Variants in SERPINE2 observed in about 807,000 individuals in gnomAD.
SERPINE2 encodes glia-derived nexin.
In SERPINE2, 14 loss-of-function variants were observed where a neutral mutation model predicts 36.3. The observed-to-expected ratio is 0.39, with a 90% CI of 0.25 to 0.60. SERPINE2 has a LOEUF of 0.60. Among genes scored for constraint, SERPINE2 ranks in the 20% least tolerant of loss-of-function variants. The probability of loss-of-function intolerance (pLI) is 0.57; values close to 1 mark genes in which losing one functional copy is unlikely to be tolerated. For synonymous variants in SERPINE2, 192 were observed against 191.8 expected (o/e 1.00, Z -0.01); for missense variants, 418 against 499.6 (o/e 0.84, Z 1.56).
chr2:224,005,990 T>G (rs896544335), intron 1 of SERPINE2, among the ~76,000 whole-genome samples: 5 of 152,218 alleles, frequency 3.3e-5, no homozygotes, highest in Admixed American at 2.0e-4. Context: ...ATACGGGGAA[T>G]GTTTATGAAA....
chr2:224,000,060 C>G (rs1349156833), intron 2 of SERPINE2, among the ~76,000 whole-genome samples: 1 of 152,188 alleles, frequency 6.6e-6, no homozygotes, highest in African/African-American at 2.4e-5. Flanking sequence ...CCACGCTGAG[C>G]AGAGTCGGAG....
At chr2:224,020,871 T>C (rs2106191186) in intron 1 of SERPINE2, among the ~76,000 whole-genome samples, 1 of 152,342 alleles carries the variant, frequency 6.6e-6, no homozygotes, top group South Asian at 2.1e-4. Flanking sequence ...ACACATTTAA[T>C]TCAATATTGC....
intron 3 of SERPINE2, among the ~76,000 whole-genome samples, chr2:223,996,549 G>C (rs1466042281): frequency 6.6e-6 from 1 of 152,210 alleles, no homozygotes; most frequent in Non-Finnish European, 1.5e-5. Flanking sequence ...ATCTGGGTGT[G>C]TAAGAATGGT....
chr2:223,977,689 A>G lies in SERPINE2; in HGVS notation c.1073-62T>C, dbSNP rs1234570608. The G allele has an allele frequency of 3.4e-5, 38 of 1,102,558 alleles. No individual in the cohort carries two copies. In the South Asian group the frequency reaches 4.5e-4, roughly 13 times the overall value. The allele number at this position is 1,102,558 out of a possible 1,614,324, so 68.3% of individuals were successfully genotyped here. ...CATGAGACCATGTAAGCATAAGGCC[A>G]GCAAGTTAGCTAGCTTCATGGACCC... is the stretch of plus-strand genomic sequence containing the variant. On this transcript the variant is annotated intron_variant, in intron 7 of 8. Transcript: ENST00000409304.
chr2:224,002,967 A>G (rs1691244556), intron 1 of SERPINE2, among the ~76,000 whole-genome samples: 1 of 152,178 alleles, frequency 6.6e-6, no homozygotes, highest in Non-Finnish European at 1.5e-5. Context: ...TAAGCCAGCA[A>G]GCAATAAAGC....
intron 1 of SERPINE2, chr2:224,038,876 G>A: frequency 4.4e-6 from 1 of 227,810 alleles, no homozygotes; most frequent in East Asian, 9.0e-5. Context: ...GGCGGGACCG[G>A]GATGCCCGGC....
At chr2:224,002,938 C>G (rs377752452) in intron 1 of SERPINE2, among the ~76,000 whole-genome samples, 15 of 152,192 alleles carry the variant, frequency 9.9e-5, no homozygotes, top group South Asian at 4.1e-4. Flanking sequence ...AGCTTACAAT[C>G]TAGAAGGGAG....
In SERPINE2 at chr2:224,036,642, T is replaced by TAAA. The variant is rs59322455; in HGVS notation, c.-23+2454_-23+2456dup. Among the ~76,000 whole-genome samples the TAAA allele has an allele frequency of 2.8e-3, 396 of 142,720 alleles. 2 individuals carry two copies. The highest frequency in any genetic ancestry group is 9.1e-3 in the African/African-American group (351 of 38,680). The allele number at this position is 142,720 out of a possible 152,430, so 93.6% of individuals were successfully genotyped here. A position where few individuals can be genotyped will look rare whatever the true frequency, so the allele number is the denominator to read the frequency against. On this transcript the variant is annotated intron_variant, in intron 1 of 8. Transcript: ENST00000409304. Reference sequence around the variant, plus strand: ...GAGCTTAAAGCATATTAATAAAAATTAAAAAAAAAAAAAAAAGATTGCTTG... The same window carrying TAAA: ...GAGCTTAAAGCATATTAATAAAAATTAAAAAAAAAAAAAAAAAAAGATTGCTTG...
chr2:224,028,366 A>G (rs1176017978), intron 1 of SERPINE2, among the ~76,000 whole-genome samples: 1 of 152,142 alleles, frequency 6.6e-6, no homozygotes, highest in East Asian at 1.9e-4. Flanking sequence ...AGAGGGAAGT[A>G]TTTTGCCTAA....
chr2:223,991,937 A>G lies in SERPINE2; in HGVS notation c.551T>C (p.Val184Ala), dbSNP rs763798124. 21 of 1,613,462 alleles carry G rather than the reference A, an allele frequency of 1.3e-5. No individual in the cohort carries two copies. Among genetic ancestry groups the G allele is most frequent in the Admixed American group, 6.7e-5 (4 of 59,880 alleles). The change falls in exon 4 of 9, where the codon GTC becomes GCC. Residue 184 changes from valine to alanine, a missense_variant. Val to Ala is a moderately conservative substitution (Grantham distance 64, BLOSUM62 0). Coordinates refer to ENST00000409304, the MANE Select transcript of SERPINE2 (RefSeq NM_001136528.2). ...CAGACCCTTGAAATACACTGCGTTG[A>G]CGAGGACCAGTCTGGTGAGCACACC... ...IDGVLTRLVLVNAVYFKGLWK... is the reference protein window; with the variant it reads ...IDGVLTRLVLANAVYFKGLWK...
At chr2:224,029,775 T>C (rs1396121781) in intron 1 of SERPINE2, among the ~76,000 whole-genome samples, 1 of 152,254 alleles carries the variant, frequency 6.6e-6, no homozygotes, top group Non-Finnish European at 1.5e-5. Flanking sequence ...TTCTGCTTAC[T>C]GCAACTTCCG....
intron 1 of SERPINE2, among the ~76,000 whole-genome samples, chr2:224,026,451 A>G (rs1173547171): frequency 7.2e-5 from 11 of 152,176 alleles, no homozygotes; most frequent in African/African-American, 2.7e-4. Context: ...CTCGATAAGC[A>G]TTCATAATAT....
chr2:223,976,690 T>C (rs1012004941), intron 8 of SERPINE2, among the ~76,000 whole-genome samples: 8 of 152,216 alleles, frequency 5.3e-5, no homozygotes, highest in Non-Finnish European at 8.8e-5. Flanking sequence ...ACTTCATAAT[T>C]GTAATAAGCA....
intron 4 of SERPINE2, among the ~76,000 whole-genome samples, chr2:223,991,334 G>A (rs896806565): frequency 2.6e-5 from 4 of 152,162 alleles, no homozygotes; most frequent in South Asian, 2.1e-4. Context: ...TCCCTGCCAC[G>A]AACAGTGCCC....
intron 1 of SERPINE2, among the ~76,000 whole-genome samples, chr2:224,037,414 GT>G (rs1692570684): frequency 6.6e-6 from 1 of 152,244 alleles, no homozygotes; most frequent in Non-Finnish European, 1.5e-5. Flanking sequence ...GTTTTCAGAA[GT>G]TGAGCATCTC....
At chr2:224,006,617 G>C (rs1299424340) in intron 1 of SERPINE2, among the ~76,000 whole-genome samples, 2 of 152,174 alleles carry the variant, frequency 1.3e-5, no homozygotes, top group Non-Finnish European at 2.9e-5. Flanking sequence ...AGGGACTGTA[G>C]ACTCCTGGTG....
intron 1 of SERPINE2, among the ~76,000 whole-genome samples, chr2:224,008,587 G>A (rs943992050): frequency 2.6e-5 from 4 of 152,146 alleles, no homozygotes; most frequent in Non-Finnish European, 5.9e-5. Context: ...TAAACCTTCT[G>A]ATACAACCCT....
intron 7 of SERPINE2, 185 bp downstream of exon 7, chr2:223,980,126 G>A (rs1228702064): frequency 5.8e-6 from 3 of 519,206 alleles, no homozygotes; most frequent in Non-Finnish European, 6.9e-6. Context: ...TAATGAAACA[G>A]ATTCTGAGCT....
intron 1 of SERPINE2, among the ~76,000 whole-genome samples, chr2:224,006,635 G>C (rs1390520424): frequency 6.6e-6 from 1 of 152,140 alleles, no homozygotes; most frequent in Admixed American, 6.5e-5. Flanking sequence ...GTGCCCACAG[G>C]GTCAGTTTAG....
Sources: allele counts gnomAD v4.1 joint callset (sites outside exome capture counted in the v4.1 genomes callset), GRCh38; gene constraint gnomAD v4.1.1; transcripts MANE v1.5; gene names NCBI Gene and HGNC (gene_info 2026-07-23, HGNC 2026-07-21).